The following NEIL3 variants were observed in gnomAD, a reference collection of about 807,000 sequenced individuals.
The protein encoded by NEIL3 is endonuclease 8-like 3.
NEIL3 carries 48 observed loss-of-function variants against 57.5 expected under a neutral mutation model. The ratio of observed to expected loss-of-function variants is 0.83; its 90% CI spans 0.66 to 1.06. NEIL3 has a LOEUF of 1.06. NEIL3 is among the 50% of genes least tolerant of loss of function. The pLI, the probability that NEIL3 is intolerant of heterozygous loss-of-function variation, is 0.00. For synonymous variants in NEIL3, 261 were observed against 253.2 expected, an observed-to-expected ratio of 1.03 and a Z score of -0.29; for missense variants, 717 against 739.1, an observed-to-expected ratio of 0.97 and a Z score of 0.35.
chr4:177,334,561 A>C (rs1212340404), intron 2 of NEIL3, among the ~76,000 whole-genome samples: 1 of 152,180 alleles, frequency 6.6e-6, no homozygotes, highest in East Asian at 1.9e-4. Context: ...TGGGCATGAC[A>C]GTTGTACACC....
At chr4:177,346,654 A>G (rs1000322505) in intron 6 of NEIL3, among the ~76,000 whole-genome samples, 1 of 152,138 alleles carries the variant, frequency 6.6e-6, no homozygotes, top group Admixed American at 6.6e-5. Flanking sequence ...ATACTACCAG[A>G]TTCAGCTATC....
downstream of NEIL3, among the ~76,000 whole-genome samples, chr4:177,363,232 G>C (rs944220221): frequency 4.6e-5 from 7 of 152,026 alleles, no homozygotes; most frequent in African/African-American, 1.7e-4. Context: ...CTGTATGCTT[G>C]TAAAAAAAAG....
At chr4:177,351,233 AAAAAAGACT>A in intron 6 of NEIL3, 138 bp from the exon 7 acceptor site, 1 of 301,864 alleles carries the variant, frequency 3.3e-6, no homozygotes, top group Non-Finnish European at 5.9e-6. Context: ...AAAAAAAAAA[AAAAAAGACT>A]CTAAGATACA....
chr4:177,339,143 TA>T (rs1735035736), intron 4 of NEIL3, among the ~76,000 whole-genome samples: 1 of 152,220 alleles, frequency 6.6e-6, no homozygotes, highest in Non-Finnish European at 1.5e-5. Flanking sequence ...TGAAAATCTA[TA>T]TACAATTTTT....
At chr4:177,347,395 G>A (rs1735245384) in intron 6 of NEIL3, among the ~76,000 whole-genome samples, 2 of 152,124 alleles carry the variant, frequency 1.3e-5, no homozygotes, top group African/African-American at 2.4e-5. Context: ...TGAGTAGACT[G>A]GGGAGCCTTT....
the NEIL3 span, among the ~76,000 whole-genome samples, chr4:177,371,122 A>G: frequency 2.7e-3 from 406 of 152,348 alleles, 3 homozygotes; most frequent in African/African-American, 9.1e-3. Flanking sequence ...ACTAAATGCT[A>G]TCATAAAATG....
rs532020443 is a variant in NEIL3 at position 177,335,697 on chromosome 4, C to A, written c.288C>A (p.Phe96Leu). The A allele has an allele frequency of 1.2e-6, 2 of 1,607,980 alleles. No individual in the cohort carries two copies. Among genetic ancestry groups the A allele is most frequent in the African/African-American group, 2.7e-5 (2 of 74,572 alleles). The change falls in exon 3 of 10, where the codon TTC becomes TTA. Residue 96 changes from phenylalanine (F) to leucine (L), a missense_variant. By Grantham distance (22) the Phe-to-Leu change is conservative. Coordinates refer to ENST00000264596, the MANE Select transcript of NEIL3 (RefSeq NM_018248.3). ...TTTGATTTTGTTTCAGGATTCATTT[C>A]GGAATGAAAGGCTTCATCATGATTA... ...YFGPKALRIH[F>L]GMKGFIMINP... is the part of the protein sequence containing the mutation.
At chr4:177,349,995 T>G (rs905899507) in intron 6 of NEIL3, among the ~76,000 whole-genome samples, 4 of 152,190 alleles carry the variant, frequency 2.6e-5, no homozygotes, top group African/African-American at 9.7e-5. Context: ...CTGTAGAAGA[T>G]CTGATATTCC....
chr4:177,340,862 A>G (rs1262173119), intron 5 of NEIL3, among the ~76,000 whole-genome samples: 12 of 152,194 alleles, frequency 7.9e-5, no homozygotes, highest in Admixed American at 7.9e-4. Context: ...ATATCAAAAT[A>G]TCTTTTGAAG....
At chr4:177,317,088 A>T (rs1734587787) in intron 1 of NEIL3, among the ~76,000 whole-genome samples, 1 of 152,202 alleles carries the variant, frequency 6.6e-6, no homozygotes, top group African/African-American at 2.4e-5. Flanking sequence ...TTTTAGGTTA[A>T]TGTTTTTCTA....
chr4:177,358,990 G>T (rs1322373993), intron 8 of NEIL3, among the ~76,000 whole-genome samples: 2 of 152,082 alleles, frequency 1.3e-5, no homozygotes, highest in East Asian at 3.8e-4. Context: ...TGCTTTAATT[G>T]TGAAATCTCT....
chr4:177,347,261 G>T (rs1178445385), intron 6 of NEIL3, among the ~76,000 whole-genome samples: 1 of 152,062 alleles, frequency 6.6e-6, no homozygotes, highest in African/African-American at 2.4e-5. Context: ...CCTCTGAGTT[G>T]TTGAAGGAAG....
chr4:177,325,323 AC>A (rs1042909302), intron 2 of NEIL3, among the ~76,000 whole-genome samples: 1 of 152,250 alleles, frequency 6.6e-6, no homozygotes, highest in Non-Finnish European at 1.5e-5. Flanking sequence ...ATAGAAGTGT[AC>A]TTTTACTCTG....
At chr4:177,346,120 T>C (rs1735215873) in intron 6 of NEIL3, among the ~76,000 whole-genome samples, 1 of 152,156 alleles carries the variant, frequency 6.6e-6, no homozygotes, top group Admixed American at 6.5e-5. Context: ...ATCACCTATT[T>C]CCCAGAGGTC....
downstream of NEIL3, among the ~76,000 whole-genome samples, chr4:177,366,906 C>G (rs1464564248): frequency 2.0e-5 from 3 of 152,172 alleles, no homozygotes; most frequent in African/African-American, 7.2e-5. Flanking sequence ...TGAATCTTTT[C>G]CGTCATCTCC....
At chr4:177,348,705 A>G (rs1397124409) in intron 6 of NEIL3, among the ~76,000 whole-genome samples, 1 of 151,990 alleles carries the variant, frequency 6.6e-6, no homozygotes, top group African/African-American at 2.4e-5. Flanking sequence ...TCTGCAGCAG[A>G]TCCCACGGGA....
chr4:177,324,948 A>AATAG (rs1232327481), intron 2 of NEIL3, among the ~76,000 whole-genome samples: 12 of 80,244 alleles, frequency 1.5e-4, no homozygotes, highest in African/African-American at 9.2e-5. Flanking sequence ...AAATTTAAAA[A>AATAG]ACAGATAGAT....
At chr4:177,347,712 T>C (rs1560918570) in intron 6 of NEIL3, among the ~76,000 whole-genome samples, 2 of 152,156 alleles carry the variant, frequency 1.3e-5, no homozygotes, top group South Asian at 2.1e-4. Context: ...ATTTTGGAAG[T>C]TGAGTTAGGG....
chr4:177,337,358 G>C (rs568266505), intron 4 of NEIL3, among the ~76,000 whole-genome samples: 1 of 151,926 alleles, frequency 6.6e-6, no homozygotes, highest in African/African-American at 2.4e-5. Context: ...CATAAACCCA[G>C]GTTATTTTTT....
Sources: gnomAD v4.1 joint callset for allele counts (sites outside exome capture counted in the v4.1 genomes callset) on GRCh38, gnomAD v4.1.1 for gene constraint, MANE v1.5 for transcripts, NCBI Gene and HGNC (gene_info 2026-07-23, HGNC 2026-07-21) for gene names.